The following ACSL5 variants were observed in gnomAD, a reference collection of about 807,000 sequenced individuals.
The protein encoded by ACSL5 is acyl-CoA synthetase long chain family member 5, also known as long-chain-fatty-acid--CoA ligase 5.
Under a neutral mutation model 84.9 loss-of-function variants are expected in ACSL5, and 50 were observed. The observed-to-expected ratio is 0.59, with a 90% confidence interval of 0.47 to 0.75. ACSL5 has a LOEUF of 0.75. Ranked by LOEUF, ACSL5 falls within the 30% of genes least tolerant of loss-of-function variation. ACSL5 has a pLI of 0.00. For missense variants in ACSL5, 775 were observed against 830.4 expected, an observed-to-expected ratio of 0.93 and a Z score of 0.82; for synonymous variants, 280 against 300.7, an observed-to-expected ratio of 0.93 and a Z score of 0.71.
intron 9 of ACSL5, 27 bp downstream of exon 9, chr10:112,410,662 G>A (rs753209149): frequency 4.4e-6 from 7 of 1,606,848 alleles, no homozygotes; most frequent in Non-Finnish European, 5.9e-6. Flanking sequence ...CTGAACCTTA[G>A]ACCCCTGGTC....
intron 10 of ACSL5, 120 bp downstream of exon 10, chr10:112,411,649 T>A: frequency 7.9e-6 from 7 of 881,286 alleles, no homozygotes; most frequent in Non-Finnish European, 1.2e-5. Flanking sequence ...CACACACACG[T>A]TAAAGGCTGG....
chr10:112,390,655 A>AACAG (rs890494187), intron 1 of ACSL5, among the ~76,000 whole-genome samples: 4 of 149,452 alleles, frequency 2.7e-5, no homozygotes, highest in Admixed American at 2.7e-4. Flanking sequence ...TAGATAGATA[A>AACAG]ATAGATAGAT....
chr10:112,396,454 C>T (rs1046104477), intron 2 of ACSL5: 4 of 152,196 alleles, frequency 2.6e-5, no homozygotes, highest in African/African-American at 9.7e-5. Flanking sequence ...ATGAGCATGA[C>T]TGTGTTCCGA....
intron 1 of ACSL5, among the ~76,000 whole-genome samples, chr10:112,385,239 C>T (rs1195595304): frequency 6.6e-6 from 1 of 152,152 alleles, no homozygotes; most frequent in Admixed American, 6.6e-5. Context: ...AGATGAGAAA[C>T]CACAGAGAAT....
At chr10:112,408,194 G>C (rs574321369) in intron 5 of ACSL5, among the ~76,000 whole-genome samples, 24 of 151,736 alleles carry the variant, frequency 1.6e-4, no homozygotes, top group Admixed American at 1.4e-3. Context: ...AGCTACTCAG[G>C]AGGCTGAGGT....
Position 112,394,918 on chromosome 10 carries a change from G to C in ACSL5, c.-29G>C. On this transcript the variant is annotated splice_region_variant and 5_prime_UTR_variant, in exon 2 of 21. Coordinates refer to ENST00000354655, the MANE Select transcript of ACSL5 (RefSeq NM_203379.2). ...TTCTTTCCCCTGTTTTTTTTTTAAG[G>C]TCTGAATTTCCTGCTGCTGTTCACA... 6.2e-7 allele frequency: 1 copy of C among 1,610,088 alleles called. No individual in the cohort carries two copies.
chr10:112,395,224 A>T lies in ACSL5; in HGVS notation c.156+122A>T, dbSNP rs1843721437. On this transcript the variant is annotated intron_variant, in intron 2 of 20. Coordinates refer to ENST00000354655, the MANE Select transcript of ACSL5 (RefSeq NM_203379.2). ...CATGGGAAAGTAAAGCTTTCATGTTACCAATCAACAGGCAATATACAAATT... is the reference window on the plus strand; with the variant it reads ...CATGGGAAAGTAAAGCTTTCATGTTTCCAATCAACAGGCAATATACAAATT... 10 of 947,492 alleles carry T rather than the reference A, an allele frequency of 1.1e-5. No homozygotes were observed. The East Asian group carries it at 2.6e-4, about 25-fold the overall frequency. 58.7% of individuals were successfully genotyped at this position (947,492 alleles called of 1,614,324 possible).
intron 1 of ACSL5, among the ~76,000 whole-genome samples, chr10:112,381,304 A>C (rs983485935): frequency 3.9e-5 from 6 of 152,196 alleles, no homozygotes; most frequent in Non-Finnish European, 7.3e-5. Context: ...ATATCGGCCA[A>C]GTGTTCATCC....
chr10:112,393,915 A>G (rs995170350), intron 1 of ACSL5, among the ~76,000 whole-genome samples: 2 of 152,186 alleles, frequency 1.3e-5, no homozygotes, highest in African/African-American at 2.4e-5. Flanking sequence ...TGTTTGGCCT[A>G]AATTAAACAA....
intron 1 of ACSL5, among the ~76,000 whole-genome samples, chr10:112,385,733 G>T (rs1025581285): frequency 6.6e-5 from 10 of 152,018 alleles, no homozygotes; most frequent in Non-Finnish European, 1.2e-4. Flanking sequence ...TATCTGAGGG[G>T]GTTGATACTT....
intron 14 of ACSL5, chr10:112,419,210 C>T (rs1844399317): frequency 6.6e-6 from 1 of 151,940 alleles, no homozygotes; most frequent in South Asian, 2.1e-4. Flanking sequence ...CTTATTTGCC[C>T]ATGCTCTTGC....
At chr10:112,389,365 G>A (rs370329659) in intron 1 of ACSL5, among the ~76,000 whole-genome samples, 5 of 152,168 alleles carry the variant, frequency 3.3e-5, no homozygotes, top group African/African-American at 1.2e-4. Context: ...GACAAGGATG[G>A]TGGACAAATG....
At chr10:112,409,384 C>G (rs1432757774) in intron 6 of ACSL5, 123 bp from the exon 7 acceptor site, 2 of 738,472 alleles carry the variant, frequency 2.7e-6, no homozygotes, top group Non-Finnish European at 4.5e-6. Context: ...ATCTGATTTG[C>G]AGGTGTAATC....
intron 3 of ACSL5, among the ~76,000 whole-genome samples, chr10:112,401,833 T>G (rs1843911493): frequency 1.0e-5 from 1 of 95,532 alleles, no homozygotes; most frequent in Non-Finnish European, 2.3e-5. Context: ...TCTTTCTTTC[T>G]TTCTTTCTTC....
At chr10:112,420,212 C>T (rs1844423614) in intron 14 of ACSL5, among the ~76,000 whole-genome samples, 2 of 152,070 alleles carry the variant, frequency 1.3e-5, no homozygotes, top group Non-Finnish European at 2.9e-5. Context: ...TTCTCTAAGC[C>T]TTCCTCTCTC....
At chr10:112,393,656 A>G (rs1418942899) in intron 1 of ACSL5, among the ~76,000 whole-genome samples, 2 of 152,190 alleles carry the variant, frequency 1.3e-5, no homozygotes, top group African/African-American at 2.4e-5. Flanking sequence ...TCTCTGAGCT[A>G]TTGTTTCATC....
intron 3 of ACSL5, among the ~76,000 whole-genome samples, chr10:112,402,864 C>T (rs770202032): frequency 1.3e-5 from 2 of 152,202 alleles, no homozygotes; most frequent in Non-Finnish European, 2.9e-5. Context: ...CTGGCTTAGA[C>T]GTGAGGGCTT....
rs911195813 is a variant in ACSL5, at chr10:112,409,638, A to G, written c.664A>G (p.Arg222Gly). 6.2e-7 allele frequency: 1 copy of G among 1,614,074 alleles called. No individual in the cohort carries two copies. The highest frequency in any genetic ancestry group is 1.3e-5 in the African/African-American group (1 of 74,946). The change falls in exon 7 of 21, where the codon AGA becomes GGA. Residue 222 changes from arginine (R) to glycine (G), a missense_variant. Coordinates refer to ENST00000354655, the MANE Select transcript of ACSL5 (RefSeq NM_203379.2). ...CCCCTTTGATGATGACCTGAAGCAA[A>G]GAGGGGAGAAGAGTGGAATTGAGAT... ...MDPFDDDLKQ[R>G]GEKSGIEILS...
chr10:112,400,287 C>T (rs1843848877), intron 3 of ACSL5, among the ~76,000 whole-genome samples: 2 of 151,844 alleles, frequency 1.3e-5, no homozygotes, highest in South Asian at 4.2e-4. Flanking sequence ...TAGAATATAG[C>T]TCACTACAAC....
Sources: gnomAD v4.1 joint callset for allele counts (sites outside exome capture counted in the v4.1 genomes callset) on GRCh38, gnomAD v4.1.1 for gene constraint, MANE v1.5 for transcripts, NCBI Gene and HGNC (gene_info 2026-07-23, HGNC 2026-07-21) for gene names.